Variants in MAP4K5 observed in about 807,000 individuals in gnomAD.
MAP4K5 encodes the protein MAPK/ERK kinase kinase kinase 5.
In MAP4K5, 82 loss-of-function variants were observed where a neutral mutation model predicts 135.6. The ratio of observed to expected loss-of-function variants is 0.60; its 90% CI spans 0.51 to 0.73. The LOEUF (loss-of-function observed/expected upper bound fraction) is 0.73. MAP4K5 is among the 30% of genes least tolerant of loss of function. The pLI is 0.00. For missense variants in MAP4K5, 907 were observed against 1,010.9 expected, an observed-to-expected ratio of 0.90 and a Z score of 1.39; for synonymous variants, 347 against 335.0, an observed-to-expected ratio of 1.04 and a Z score of -0.39.
intron 6 of MAP4K5, among the ~76,000 whole-genome samples, chr14:50,479,027 TTG>T (rs1375937968): frequency 6.6e-6 from 1 of 151,578 alleles, no homozygotes; most frequent in Admixed American, 6.6e-5. Context: ...TTTGTTGTTG[TTG>T]TTTTTTGTGC....
chr14:50,545,952 C>T lies in MAP4K5; in HGVS notation c.-179-3368G>A, dbSNP rs181309812. Among the ~76,000 whole-genome samples, 409 of 152,280 alleles carry T rather than the reference C, an allele frequency of 2.7e-3. 4 individuals are homozygous for T. Among genetic ancestry groups the T allele is most frequent in the South Asian group, 0.02 (96 of 4,828 alleles). The stretch of plus-strand genomic sequence containing the variant: ...ATAGTTCATCAGATCTTCTGAAGCT[C>T]TCTATTTCTCTCTTTTCTTTTCTGC... On this transcript the variant is annotated intron_variant, in intron 1 of 8. Transcript: ENST00000555216.
intron 28 of MAP4K5, among the ~76,000 whole-genome samples, chr14:50,431,124 A>G (rs1168683730): frequency 1.3e-5 from 2 of 152,284 alleles, no homozygotes; most frequent in East Asian, 1.9e-4. Flanking sequence ...CTTTGGGTAA[A>G]TATTTCATTG....
intron 2 of MAP4K5, among the ~76,000 whole-genome samples, chr14:50,528,519 A>T (rs2038316625): frequency 6.6e-6 from 1 of 151,586 alleles, no homozygotes; most frequent in Admixed American, 6.6e-5. Flanking sequence ...AGAATTTGAG[A>T]CTAGCTTGGG....
At chr14:50,437,621 A>T in intron 25 of MAP4K5, 87 bp from the exon 26 acceptor site, 1 of 930,802 alleles carries the variant, frequency 1.1e-6, no homozygotes, top group South Asian at 1.7e-5. Context: ...AATCAGACAG[A>T]AAGGAGCTTA....
intron 1 of MAP4K5, among the ~76,000 whole-genome samples, chr14:50,546,528 A>G (rs1157253275): frequency 6.6e-6 from 1 of 152,230 alleles, no homozygotes; most frequent in Non-Finnish European, 1.5e-5. Context: ...AAGTTTGTGT[A>G]AATTTAGTAA....
intron 14 of MAP4K5, among the ~76,000 whole-genome samples, chr14:50,452,235 C>T (rs2036506349): frequency 6.6e-6 from 1 of 152,184 alleles, no homozygotes; most frequent in African/African-American, 2.4e-5. Flanking sequence ...CGGGGAGCAT[C>T]TGTACCTCTC....
intron 11 of MAP4K5, among the ~76,000 whole-genome samples, chr14:50,465,244 G>A (rs753609234): frequency 1.1e-4 from 16 of 152,086 alleles, no homozygotes; most frequent in Non-Finnish European, 2.2e-4. Context: ...CCTGAAATAA[G>A]CAATGGACTG....
intron 30 of MAP4K5, among the ~76,000 whole-genome samples, chr14:50,427,967 C>A (rs1413890315): frequency 6.6e-6 from 1 of 152,074 alleles, no homozygotes; most frequent in Admixed American, 6.5e-5. Flanking sequence ...CACACAAATA[C>A]CTTCCTGACT....
chr14:50,422,945 T>C (rs1475760783), intron 32 of MAP4K5, among the ~76,000 whole-genome samples, 176 bp downstream of exon 32: 3 of 152,176 alleles, frequency 2.0e-5, no homozygotes, highest in Non-Finnish European at 2.9e-5. Context: ...TGACAAAAGG[T>C]TGCTTAGTTA....
chr14:50,532,233 G>A lies in MAP4K5; in HGVS notation c.-109-75C>T. 7.2e-6 allele frequency: 4 copies of A among 555,850 alleles called. No homozygotes were observed. The South Asian group carries it at 8.6e-5, about 12-fold the overall frequency. The allele number at this position is 555,850 out of a possible 1,614,324, so 34.4% of individuals were successfully genotyped here. A position where few individuals can be genotyped will look rare whatever the true frequency, so the allele number is the denominator to read the frequency against. ...CAGCGGCCCGCGCCCTCGCGGCCCG[G>A]CCCCTTCCCTTCCGTCCCGCCAGGG... On this transcript the variant is annotated intron_variant, in intron 1 of 32. Coordinates refer to ENST00000682126, the MANE Select transcript of MAP4K5 (RefSeq NM_006575.6).
intron 14 of MAP4K5, among the ~76,000 whole-genome samples, chr14:50,452,934 C>A (rs764898988): frequency 1.1e-4 from 17 of 152,302 alleles, no homozygotes; most frequent in Non-Finnish European, 2.1e-4. Context: ...TTTACTTTAA[C>A]CTGCAACAAC....
At chr14:50,476,609 C>G (rs1290365298) in intron 6 of MAP4K5, among the ~76,000 whole-genome samples, 3 of 152,082 alleles carry the variant, frequency 2.0e-5, no homozygotes, top group African/African-American at 7.2e-5. Context: ...TACAGGCATG[C>G]GCCACTATGC....
intron 30 of MAP4K5, among the ~76,000 whole-genome samples, chr14:50,427,669 T>C (rs536500106): frequency 6.6e-6 from 1 of 152,312 alleles, no homozygotes; most frequent in African/African-American, 2.4e-5. Flanking sequence ...AATGTTTCCA[T>C]TCATCATTTT....
intron 28 of MAP4K5, among the ~76,000 whole-genome samples, chr14:50,430,420 AG>A (rs34841080): frequency 6.6e-6 from 1 of 152,230 alleles, no homozygotes; most frequent in Non-Finnish European, 1.5e-5. Flanking sequence ...GCACTGAGAC[AG>A]GGCCACATTC....
At chr14:50,531,033 AAAC>A (rs1246859084) in intron 2 of MAP4K5, among the ~76,000 whole-genome samples, 1 of 152,210 alleles carries the variant, frequency 6.6e-6, no homozygotes, top group African/African-American at 2.4e-5. Flanking sequence ...CAAATCCAAT[AAAC>A]AACGCCGTTG....
chr14:50,517,771 G>A (rs1016505213), intron 2 of MAP4K5, among the ~76,000 whole-genome samples: 5 of 152,012 alleles, frequency 3.3e-5, no homozygotes, highest in South Asian at 2.1e-4. Flanking sequence ...GTGAAACTCC[G>A]TCTCAAAAAA....
intron 6 of MAP4K5, 114 bp downstream of exon 6, chr14:50,482,247 T>C (rs1408990418): frequency 1.7e-6 from 1 of 581,160 alleles, no homozygotes; most frequent in African/African-American, 2.0e-5. Flanking sequence ...CCCTTTCTCT[T>C]TAAGGTAGAC....
rs2036132989 is a variant in MAP4K5 at position 50,437,880 on chromosome 14, A to G, written c.1823+14T>C. 1 of 1,436,862 alleles carries G rather than the reference A, an allele frequency of 7.0e-7. No homozygotes were observed. Among genetic ancestry groups the G allele is most frequent in the African/African-American group, 1.4e-5 (1 of 71,192 alleles). The allele number at this position is 1,436,862 out of a possible 1,614,324, so 89.0% of individuals were successfully genotyped here. ...ATTCCCCTCATTCAGTAGAATCAAA[A>G]TGATATTTTGTACCTTGGTAGTATT... On this transcript the variant is annotated intron_variant, in intron 25 of 32. Transcript: ENST00000682126.
At chr14:50,523,113 A>G (rs1211512118) in intron 2 of MAP4K5, among the ~76,000 whole-genome samples, 2 of 152,112 alleles carry the variant, frequency 1.3e-5, no homozygotes, top group African/African-American at 4.8e-5. Context: ...GGAGTTCGAG[A>G]CCAGCCTGAC....
Sources: allele counts gnomAD v4.1 joint callset (sites outside exome capture counted in the v4.1 genomes callset), GRCh38; gene constraint gnomAD v4.1.1; transcripts MANE v1.5; gene names NCBI Gene and HGNC (gene_info 2026-07-23, HGNC 2026-07-21).